The following DERL2 variants were observed in gnomAD, a reference collection of about 807,000 sequenced individuals.
DERL2 encodes the protein derlin 2.
In DERL2, 13 loss-of-function variants were observed where a neutral mutation model predicts 32.0. The observed-to-expected ratio is 0.41, with a 90% CI of 0.26 to 0.65. The LOEUF is 0.65. Ranked by LOEUF, DERL2 falls within the 30% of genes least tolerant of loss-of-function variation. The probability of loss-of-function intolerance (pLI) is 0.35; values close to 1 mark genes in which losing one functional copy is unlikely to be tolerated. For synonymous variants in DERL2, 111 were observed against 104.7 expected (o/e 1.06, Z -0.37); for missense variants, 208 against 296.3 (o/e 0.70, Z 2.19).
chr17:5,486,247 C>T (rs895658722), upstream of DERL2: 9 of 1,118,618 alleles, frequency 8.0e-6, no homozygotes, highest in African/African-American at 1.7e-5. Flanking sequence ...GGCCCAAAGG[C>T]CCCCCGCCCA....
intron 2 of DERL2, among the ~76,000 whole-genome samples, chr17:5,484,072 G>A (rs752447457): frequency 1.6e-4 from 24 of 152,214 alleles, no homozygotes; most frequent in Middle Eastern, 3.2e-3. Context: ...AGTACATAAA[G>A]GTTACACAAA....
upstream of DERL2, chr17:5,486,184 A>ACCCCCCACCCACCCCATTT: frequency 1.3e-6 from 1 of 789,488 alleles, no homozygotes; most frequent in Non-Finnish European, 1.6e-6. Flanking sequence ...CGCCTGCCCC[A>ACCCCCCACCCACCCCATTT]CCCCCCACCC....
intron 3 of DERL2, 135 bp downstream of exon 3, chr17:5,482,674 C>A: frequency 1.7e-6 from 1 of 585,138 alleles, no homozygotes; most frequent in Non-Finnish European, 3.1e-6. Context: ...ACCTAAGCAA[C>A]TACTTTATGT....
chr17:5,486,312 A>T, upstream of DERL2: 1 of 528,352 alleles, frequency 1.9e-6, no homozygotes, highest in Non-Finnish European at 3.3e-6. Flanking sequence ...ATCCGTAGAG[A>T]CCTAAGGAAC....
chr17:5,480,458 G>A lies in DERL2; in HGVS notation c.452C>T (p.Ala151Val). The part of the protein sequence containing the change: ...MNFFGLLNFQ[A>V]PFLPWVLMGF... ...CATGAGCACCCAGGGCAGAAAGGGG[G>A]CCTGGAAGTTGAGAAGGCCGAAGAA... The change falls in exon 5 of 7, where the codon GCC becomes GTC. Residue 151 changes from alanine (A) to valine (V), a missense_variant. By Grantham distance (64) the Ala-to-Val change is moderately conservative. Transcript: ENST00000158771. 1 of 1,613,632 alleles carries A rather than the reference G, an allele frequency of 6.2e-7. No individual in the cohort carries two copies. The highest frequency in any genetic ancestry group is 8.5e-7 in the Non-Finnish European group (1 of 1,179,876).
At chr17:5,476,388 A>G (rs570649248) in intron 6 of DERL2, among the ~76,000 whole-genome samples, 1 of 152,364 alleles carries the variant, frequency 6.6e-6, no homozygotes, top group South Asian at 2.1e-4. Flanking sequence ...CAACAGAAAA[A>G]ATGGGCAAAG....
intron 6 of DERL2, chr17:5,478,030 G>C (rs998422798): frequency 1.3e-5 from 2 of 152,088 alleles, no homozygotes; most frequent in Non-Finnish European, 2.9e-5. Context: ...GATGAGCCTG[G>C]TATATCTTGT....
At chr17:5,480,220 G>A (rs1905684520) in intron 5 of DERL2, 76 bp from the exon 6 acceptor site, 3 of 1,236,054 alleles carry the variant, frequency 2.4e-6, no homozygotes, top group South Asian at 1.4e-5. Context: ...AACACAAATT[G>A]CCTATATTTA....
upstream of DERL2, chr17:5,486,447 C>T (rs1363922327): frequency 6.2e-6 from 2 of 323,044 alleles, no homozygotes; most frequent in Non-Finnish European, 1.1e-5. Flanking sequence ...TCTGCCAATC[C>T]CCGCCGGCCA....
chr17:5,486,692 C>T (rs190942528), upstream of DERL2: 1 of 153,036 alleles, frequency 6.5e-6, no homozygotes, highest in African/African-American at 2.4e-5. Context: ...CCGGTAAGTG[C>T]TGCGGGGCAG....
chr17:5,481,038 T>C lies in DERL2; in HGVS notation c.327+258A>G. On this transcript the variant is annotated intron_variant, in intron 4 of 6. Transcript: ENST00000158771. This position sits in a 1 kb window ranked among gnomAD's most constrained non-coding sequence, Gnocchi z 4.4. ...CCACCAAGTAAATGTCTTACCAACT[T>C]AGTTTAAAAGTGAAGTACGCCAAGC... 1.8e-6 allele frequency: 1 copy of C among 555,286 alleles called. No homozygotes were observed. The allele number at this position is 555,286 out of a possible 1,614,324, so 34.4% of individuals were successfully genotyped here.
chr17:5,485,035 T>C (rs992116351), intron 2 of DERL2, 116 bp downstream of exon 2: 35 of 610,650 alleles, frequency 5.7e-5, no homozygotes, highest in Non-Finnish European at 3.5e-5. Flanking sequence ...AGGCAACTTA[T>C]AATCAAAGGT....
In DERL2 at chr17:5,473,148, C is replaced by G. The variant is rs1905196701; in HGVS notation, c.*1536G>C. ...GAGGACAATGTCACATTCTGGAAAG[C>G]TACCCCTTAACAAAGGTTGAATGAA... On this transcript the variant is annotated 3_prime_UTR_variant, in exon 7 of 7. Transcript: ENST00000158771. 1 of 152,210 alleles carries G rather than the reference C, an allele frequency of 6.6e-6. No homozygotes were observed. The highest frequency in any genetic ancestry group is 2.1e-4 in the South Asian group (1 of 4,834). The allele number at this position is 152,210 out of a possible 1,614,324, so 9.4% of individuals were successfully genotyped here. A position where few individuals can be genotyped will look rare whatever the true frequency, so the allele number is the denominator to read the frequency against.
At chr17:5,486,568 C>T (rs1805433), upstream of DERL2, 18,390 of 160,020 alleles carry the variant, frequency 0.11, 1,303 homozygotes, top group East Asian at 0.25. Context: ...AGGCGCGTAT[C>T]AGTCGGAATT....
rs1470518440 is a variant in DERL2 at position 5,481,725 on chromosome 17, C to T, written c.234-336G>A. On this transcript the variant is annotated intron_variant, in intron 3 of 6. Transcript: ENST00000158771. The surrounding 1 kb of genome is among the most constrained non-coding windows in gnomAD (Gnocchi z 4.4). ...AGTGCAATGGTGCCATATCGGCTCACTGCAAGCTCCGCCTCTCAGATTCAA... is the reference window on the plus strand; with the variant it reads ...AGTGCAATGGTGCCATATCGGCTCATTGCAAGCTCCGCCTCTCAGATTCAA... 6.6e-6 allele frequency among the ~76,000 whole-genome samples: 1 copy of T among 151,990 alleles called. No individual in the cohort carries two copies. The highest frequency in any genetic ancestry group is 1.5e-5 in the Non-Finnish European group (1 of 68,002).
At chr17:5,475,899 T>C (rs756116510) in intron 6 of DERL2, among the ~76,000 whole-genome samples, 1 of 151,906 alleles carries the variant, frequency 6.6e-6, no homozygotes, top group Admixed American at 6.6e-5. Context: ...AGAAAGAAAA[T>C]AGAATGGTGA....
chr17:5,474,954 T>A lies in DERL2; in HGVS notation c.615-165A>T, dbSNP rs1471620789. 6.6e-6 allele frequency among the ~76,000 whole-genome samples: 1 copy of A among 152,238 alleles called. No individual in the cohort carries two copies. Among genetic ancestry groups the A allele is most frequent in the African/African-American group, 2.4e-5 (1 of 41,466 alleles). ...GTAAGAGCATCTATAATTATTAACATTTACATTAGCTTTTATCTTTTACTG... is the reference window on the plus strand; with the variant it reads ...GTAAGAGCATCTATAATTATTAACAATTACATTAGCTTTTATCTTTTACTG... On this transcript the variant is annotated intron_variant, in intron 6 of 6. Coordinates refer to ENST00000158771, the MANE Select transcript of DERL2 (RefSeq NM_016041.5). The surrounding 1 kb of genome is among the most constrained non-coding windows in gnomAD (Gnocchi z 4.3).
At position 5,474,838 on chromosome 17, in the gene DERL2, C is replaced by T; in HGVS notation, c.615-49G>A. ...ATTTGGTCCCAGAGTCATCTCAGGT[C>T]CAAAGTACTACAAGGTCAGTTCAGG... is the stretch of plus-strand genomic sequence containing the variant. On this transcript the variant is annotated intron_variant, in intron 6 of 6. Transcript: ENST00000158771. This position sits in a 1 kb window ranked among gnomAD's most constrained non-coding sequence, Gnocchi z 4.3. 1.4e-6 allele frequency: 2 copies of T among 1,471,814 alleles called. No homozygotes were observed. Among genetic ancestry groups the T allele is most frequent in the Non-Finnish European group, 1.9e-6 (2 of 1,057,584 alleles). The allele number at this position is 1,471,814 out of a possible 1,614,324, so 91.2% of individuals were successfully genotyped here.
Position 5,478,276 on chromosome 17 carries a change from G to A in DERL2, c.614+1778C>T, listed in dbSNP as rs374348785. Among the ~76,000 whole-genome samples the A allele has an allele frequency of 6.6e-5, 10 of 152,176 alleles. No homozygotes were observed. The South Asian group carries it at 1.2e-3, about 19-fold the overall frequency. On this transcript the variant is annotated intron_variant, in intron 6 of 6. Transcript: ENST00000158771. Reference sequence around the variant, plus strand: ...TGTAGTCCCAGCTACTCAGGAGGCTGAGGTGGGAGGATCACTTGAGCCCAG... The same window carrying A: ...TGTAGTCCCAGCTACTCAGGAGGCTAAGGTGGGAGGATCACTTGAGCCCAG...
Sources: allele counts gnomAD v4.1 joint callset (sites outside exome capture counted in the v4.1 genomes callset), GRCh38; gene constraint gnomAD v4.1.1; non-coding constraint Gnocchi (gnomAD v3.1); transcripts MANE v1.5; gene names NCBI Gene and HGNC (gene_info 2026-07-23, HGNC 2026-07-21).